Variants in MAML3 observed in about 807,000 individuals in gnomAD.
MAML3 encodes the protein mastermind-like protein 3.
MAML3 carries 27 observed loss-of-function variants against 101.9 expected under a neutral mutation model. The observed-to-expected ratio is 0.27, with a 90% CI of 0.20 to 0.37. The LOEUF is 0.37. Ranked by LOEUF, MAML3 falls within the 10% of genes least tolerant of loss-of-function variation. MAML3 has a pLI of 1.00. For synonymous variants in MAML3, 501 were observed against 555.9 expected (o/e 0.90, Z 1.39); for missense variants, 1,316 against 1,444.9 (o/e 0.91, Z 1.45).
intron 1 of MAML3, among the ~76,000 whole-genome samples, chr4:140,098,382 G>T (rs1284384861): frequency 1.3e-5 from 2 of 152,170 alleles, no homozygotes; most frequent in East Asian, 3.8e-4. Context: ...TGAAATATCA[G>T]CTGGCAAGCA....
chr4:140,106,115 GAAAAAAAA>G (rs59770042), intron 1 of MAML3, among the ~76,000 whole-genome samples: 7 of 90,074 alleles, frequency 7.8e-5, no homozygotes, highest in Admixed American at 6.7e-4. Flanking sequence ...CTGACTTCAA[GAAAAAAAA>G]AAAAAAAAAA....
chr4:140,093,421 T>G (rs978776871), intron 1 of MAML3, among the ~76,000 whole-genome samples: 8 of 147,930 alleles, frequency 5.4e-5, no homozygotes, highest in Admixed American at 1.3e-4. Context: ...TGTTTGTTTT[T>G]TTTTTTTTTT....
chr4:140,057,592 T>C (rs903263304), intron 1 of MAML3, among the ~76,000 whole-genome samples: 2 of 152,182 alleles, frequency 1.3e-5, no homozygotes, highest in Non-Finnish European at 2.9e-5. Flanking sequence ...ATATTTATAT[T>C]CCTGTATTCT....
chr4:139,794,860 G>A (rs1730484404), intron 2 of MAML3, among the ~76,000 whole-genome samples: 1 of 152,140 alleles, frequency 6.6e-6, no homozygotes, highest in Non-Finnish European at 1.5e-5. Context: ...AACAGACTAG[G>A]GTCAGGTGCC....
chr4:139,947,930 C>T (rs1658439433), intron 1 of MAML3, among the ~76,000 whole-genome samples: 1 of 151,800 alleles, frequency 6.6e-6, no homozygotes, highest in African/African-American at 2.4e-5. Context: ...GGAGAAACCC[C>T]GTCTCTACTA....
At chr4:139,737,956 G>A (rs1729009380) in intron 2 of MAML3, among the ~76,000 whole-genome samples, 1 of 152,200 alleles carries the variant, frequency 6.6e-6, no homozygotes, top group South Asian at 2.1e-4. Flanking sequence ...ATCAATTTAG[G>A]AGGCTTATCA....
At chr4:140,114,970 C>T (rs1256086024) in intron 1 of MAML3, among the ~76,000 whole-genome samples, 1 of 152,170 alleles carries the variant, frequency 6.6e-6, no homozygotes, top group South Asian at 2.1e-4. Flanking sequence ...AGTAAAAGTA[C>T]ATTATAACTT....
chr4:139,852,404 T>C (rs808738), intron 2 of MAML3, among the ~76,000 whole-genome samples: 1 of 52,784 alleles, frequency 1.9e-5, no homozygotes, highest in Non-Finnish European at 3.8e-5. Context: ...CAGAAGACTG[T>C]TTTTTTTTTT....
intron 1 of MAML3, among the ~76,000 whole-genome samples, chr4:139,955,203 G>A (rs753380669): frequency 6.6e-6 from 1 of 152,130 alleles, no homozygotes; most frequent in Non-Finnish European, 1.5e-5. Context: ...AGAGAAAAGG[G>A]AAACTAAATA....
At chr4:139,792,615 A>G (rs138801223) in intron 2 of MAML3, among the ~76,000 whole-genome samples, 39 of 152,336 alleles carry the variant, frequency 2.6e-4, no homozygotes, top group African/African-American at 9.4e-4. Flanking sequence ...TGGAATGTAC[A>G]AAGTGTGGAA....
intron 2 of MAML3, among the ~76,000 whole-genome samples, chr4:139,836,085 C>A (rs1057049994): frequency 6.6e-6 from 1 of 152,142 alleles, no homozygotes; most frequent in Non-Finnish European, 1.5e-5. Flanking sequence ...GATCATGTGA[C>A]CCTTGGCCCT....
intron 1 of MAML3, among the ~76,000 whole-genome samples, chr4:139,958,361 C>A (rs998186121): frequency 7.2e-5 from 11 of 152,068 alleles, no homozygotes; most frequent in African/African-American, 2.7e-4. Context: ...TTGAGTGTAA[C>A]CTATGTTCAA....
intron 1 of MAML3, among the ~76,000 whole-genome samples, chr4:140,106,596 T>C (rs918650489): frequency 1.3e-5 from 2 of 152,236 alleles, no homozygotes; most frequent in Admixed American, 6.5e-5. Context: ...AGTACTAGGA[T>C]TTAAAATTGT....
At chr4:139,826,069 G>T (rs1731055802) in intron 2 of MAML3, among the ~76,000 whole-genome samples, 1 of 152,070 alleles carries the variant, frequency 6.6e-6, no homozygotes, top group Non-Finnish European at 1.5e-5. Flanking sequence ...TGGCTAAGCT[G>T]GGCTGGCCTC....
chr4:139,822,430 G>T (rs13353777), intron 2 of MAML3, among the ~76,000 whole-genome samples: 1 of 152,140 alleles, frequency 6.6e-6, no homozygotes, highest in Non-Finnish European at 1.5e-5. Context: ...CCTGAAATCC[G>T]CACTGTACCC....
At chr4:139,804,039 C>A (rs1401767551) in intron 2 of MAML3, among the ~76,000 whole-genome samples, 3 of 152,204 alleles carry the variant, frequency 2.0e-5, no homozygotes, top group East Asian at 3.9e-4. Context: ...GCAGACCCAA[C>A]TTCCTGCCTT....
intron 1 of MAML3, among the ~76,000 whole-genome samples, chr4:140,000,985 G>C (rs1027966500): frequency 6.6e-6 from 1 of 152,020 alleles, no homozygotes; most frequent in Admixed American, 6.6e-5. Flanking sequence ...CTGAGATCAT[G>C]TCATTGCACT....
intron 1 of MAML3, among the ~76,000 whole-genome samples, chr4:140,000,802 T>C (rs1028082611): frequency 6.6e-6 from 1 of 152,050 alleles, no homozygotes; most frequent in Non-Finnish European, 1.5e-5. Flanking sequence ...CCGAGGTGGG[T>C]GGATCACCTG....
At chr4:139,961,960 C>T (rs1018968816) in intron 1 of MAML3, among the ~76,000 whole-genome samples, 1 of 151,850 alleles carries the variant, frequency 6.6e-6, no homozygotes, top group Non-Finnish European at 1.5e-5. Context: ...TAAAAAAATA[C>T]AAAAAATTAG....
Sources: allele counts gnomAD v4.1 joint callset (sites outside exome capture counted in the v4.1 genomes callset), GRCh38; gene constraint gnomAD v4.1.1; transcripts MANE v1.5; gene names NCBI Gene and HGNC (gene_info 2026-07-23, HGNC 2026-07-21).